HS6ST1: variants seen among roughly 807,000 people sequenced by gnomAD.
HS6ST1 encodes heparan sulfate 6-O-sulfotransferase 1.
HS6ST1 carries 3 observed loss-of-function variants against 25.2 expected under a neutral mutation model. The ratio of observed to expected loss-of-function variants is 0.12; its 90% CI spans 0.05 to 0.31. The LOEUF (loss-of-function observed/expected upper bound fraction) is 0.31, where lower values mean the gene tolerates loss of function less well. HS6ST1 is among the 10% of genes least tolerant of loss of function. The pLI is 1.00. For synonymous variants in HS6ST1, 204 were observed against 275.1 expected, an observed-to-expected ratio of 0.74 and a Z score of 2.56; for missense variants, 310 against 609.6, an observed-to-expected ratio of 0.51 and a Z score of 5.18.
intron 1 of HS6ST1, among the ~76,000 whole-genome samples, chr2:128,301,610 T>A (rs1297619705): frequency 6.6e-6 from 1 of 152,140 alleles, no homozygotes; most frequent in Admixed American, 6.5e-5. Flanking sequence ...TGTTTCTGAG[T>A]CACCACTGGC....
chr2:128,272,905 C>A (rs1003640833), intron 1 of HS6ST1, among the ~76,000 whole-genome samples: 3 of 152,146 alleles, frequency 2.0e-5, no homozygotes, highest in South Asian at 2.1e-4. Context: ...TCTGCCAAGG[C>A]CTTCTGTGCA....
At chr2:128,275,804 A>G (rs189635055) in intron 1 of HS6ST1, among the ~76,000 whole-genome samples, 1 of 152,342 alleles carries the variant, frequency 6.6e-6, no homozygotes, top group East Asian at 1.9e-4. Context: ...GAAGGTACAC[A>G]TTCCCCAAGA....
At chr2:128,306,357 C>T (rs138982267) in intron 1 of HS6ST1, among the ~76,000 whole-genome samples, 117 of 152,170 alleles carry the variant, frequency 7.7e-4, no homozygotes, top group African/African-American at 2.6e-3. Context: ...CCAGGGAGAA[C>T]GCAGCTGCAC....
At chr2:128,305,539 G>GA (rs2104933539) in intron 1 of HS6ST1, among the ~76,000 whole-genome samples, 1 of 152,370 alleles carries the variant, frequency 6.6e-6, no homozygotes, top group African/African-American at 2.4e-5. Context: ...GGGCGGGAAG[G>GA]AAGGAGGCTG....
Position 128,267,105 on chromosome 2 carries a change from T to TG in HS6ST1, c.*1056dup, listed in dbSNP as rs1241604784. ...CACTGTGGTCCGAGGGTACGGCTCC[T>TG]GGGCAGGGGCTATGGTCCCATGCTC... On this transcript the variant is annotated 3_prime_UTR_variant, in exon 2 of 2. Coordinates refer to ENST00000259241, the MANE Select transcript of HS6ST1 (RefSeq NM_004807.3). 1 of 152,254 alleles carries TG rather than the reference T, an allele frequency of 6.6e-6. No homozygotes were observed. Among genetic ancestry groups the TG allele is most frequent in the East Asian group, 1.9e-4 (1 of 5,198 alleles). 9.4% of individuals were successfully genotyped at this position (152,254 alleles called of 1,614,324 possible). A position where few individuals can be genotyped will look rare whatever the true frequency, so the allele number is the denominator to read the frequency against.
Position 128,268,157 on chromosome 2 carries a change from C to T in HS6ST1, c.*5G>A, listed in dbSNP as rs547627218. The T allele has an allele frequency of 2.4e-5, 38 of 1,598,232 alleles. No individual in the cohort carries two copies. Among genetic ancestry groups the T allele is most frequent in the African/African-American group, 8.0e-5 (6 of 74,684 alleles). On this transcript the variant is annotated 3_prime_UTR_variant, in exon 2 of 2. Transcript: ENST00000259241. ...CAAGAGGCCTCCCCGTGGCCACCAC[C>T]GCCACTACCACTTCTCAATGATGTG...
intron 1 of HS6ST1, among the ~76,000 whole-genome samples, chr2:128,275,258 T>A (rs758771552): frequency 1.4e-4 from 22 of 152,098 alleles, no homozygotes; most frequent in Non-Finnish European, 2.2e-4. Context: ...TGATTACTGA[T>A]TTAATAAAAA....
chr2:128,308,844 T>C (rs1694248708), intron 1 of HS6ST1, among the ~76,000 whole-genome samples: 1 of 152,196 alleles, frequency 6.6e-6, no homozygotes, highest in South Asian at 2.1e-4. Context: ...AACCAACTAA[T>C]TCATGGAGTG....
intron 1 of HS6ST1, chr2:128,290,013 A>G (rs1221886162): frequency 6.6e-6 from 1 of 152,242 alleles, no homozygotes; most frequent in African/African-American, 2.4e-5. Context: ...AAAATGCAAA[A>G]GCATGTATAT....
At chr2:128,295,390 C>A (rs1392466556) in intron 1 of HS6ST1, among the ~76,000 whole-genome samples, 1 of 152,216 alleles carries the variant, frequency 6.6e-6, no homozygotes, top group Non-Finnish European at 1.5e-5. Flanking sequence ...GGTGTCCACA[C>A]CCTTGACTGC....
intron 1 of HS6ST1, among the ~76,000 whole-genome samples, chr2:128,297,623 C>T (rs1694059036): frequency 1.3e-5 from 2 of 152,170 alleles, no homozygotes. Context: ...ATCATGAGGT[C>T]AGGAGTTCGA....
chr2:128,295,547 T>A (rs1387501282), intron 1 of HS6ST1, among the ~76,000 whole-genome samples: 2 of 152,222 alleles, frequency 1.3e-5, no homozygotes, highest in South Asian at 4.1e-4. Context: ...TATCCTGATA[T>A]CAAAGCCAGA....
chr2:128,273,513 C>T (rs143801421), intron 1 of HS6ST1, among the ~76,000 whole-genome samples: 158 of 152,372 alleles, frequency 1.0e-3, no homozygotes, highest in African/African-American at 3.7e-3. Flanking sequence ...CTACCTGGCA[C>T]GCCCCTCCAT....
chr2:128,292,339 G>A (rs1693966865), intron 1 of HS6ST1, among the ~76,000 whole-genome samples: 2 of 152,246 alleles, frequency 1.3e-5, no homozygotes, highest in South Asian at 2.1e-4. Context: ...CTGGGCTCCT[G>A]AGGAGGTAAG....
intron 1 of HS6ST1, among the ~76,000 whole-genome samples, chr2:128,311,322 G>GT (rs1013233049): frequency 3.3e-5 from 5 of 152,316 alleles, no homozygotes; most frequent in East Asian, 1.9e-4. Flanking sequence ...GCAGGTGCCA[G>GT]TGAGTGTCCA....
At chr2:128,301,862 A>G (rs905766675) in intron 1 of HS6ST1, among the ~76,000 whole-genome samples, 4 of 152,166 alleles carry the variant, frequency 2.6e-5, no homozygotes, top group African/African-American at 9.7e-5. Flanking sequence ...CCACTGGCTC[A>G]CGCAGGCATC....
chr2:128,268,423 G>A lies in HS6ST1; in HGVS notation c.975C>T (p.Gly325=), dbSNP rs188637045. The A allele has an allele frequency of 4.9e-4, 786 of 1,613,604 alleles. No homozygotes were observed. Among genetic ancestry groups the A allele is most frequent in the Non-Finnish European group, 5.9e-4 (700 of 1,179,856 alleles). ...PFMQYNSTRA[G]GVEVDEDTIR... Reference sequence around the variant, plus strand: ...TGGTGTCTTCATCCACCTCCACGCCGCCCGCCCGCGTGCTATTGTACTGCA... The same window carrying A: ...TGGTGTCTTCATCCACCTCCACGCCACCCGCCCGCGTGCTATTGTACTGCA... Residue 325 remains glycine (G), a synonymous_variant, in exon 2 of 2, where the codon GGC becomes GGT. Coordinates refer to ENST00000259241, the MANE Select transcript of HS6ST1 (RefSeq NM_004807.3).
intron 1 of HS6ST1, among the ~76,000 whole-genome samples, chr2:128,312,568 G>A (rs1694307889): frequency 6.6e-6 from 1 of 152,082 alleles, no homozygotes; most frequent in African/African-American, 2.4e-5. Context: ...CAGGCCCCTG[G>A]GAGCTGCACC....
chr2:128,285,150 C>A (rs1175573596), intron 1 of HS6ST1, among the ~76,000 whole-genome samples: 6 of 152,202 alleles, frequency 3.9e-5, no homozygotes, highest in Non-Finnish European at 8.8e-5. Flanking sequence ...GGCAGCAGTC[C>A]CCATCTAGCC....
Sources: gnomAD v4.1 joint callset for allele counts (sites outside exome capture counted in the v4.1 genomes callset) on GRCh38, gnomAD v4.1.1 for gene constraint, MANE v1.5 for transcripts, NCBI Gene and HGNC (gene_info 2026-07-23, HGNC 2026-07-21) for gene names.